Variants in CADM2 observed in about 807,000 individuals in gnomAD.
CADM2 encodes immunoglobulin superfamily member 4D.
CADM2 carries 12 observed loss-of-function variants against 49.8 expected under a neutral mutation model. The ratio of observed to expected loss-of-function variants is 0.24; its 90% CI spans 0.15 to 0.39. CADM2 has a LOEUF of 0.39. Ranked by LOEUF, CADM2 falls within the 10% of genes least tolerant of loss-of-function variation. CADM2 has a pLI of 1.00. For synonymous variants in CADM2, 214 were observed against 175.4 expected (o/e 1.22, Z -1.74); for missense variants, 378 against 492.3 (o/e 0.77, Z 2.20).
intron 1 of CADM2, among the ~76,000 whole-genome samples, chr3:85,033,570 C>T (rs958969101): frequency 3.9e-5 from 6 of 151,960 alleles, no homozygotes; most frequent in South Asian, 4.2e-4. Flanking sequence ...TTTCCTGATG[C>T]GGTTATATTG....
At chr3:85,699,103 C>G (rs2066663846) in intron 1 of CADM2, among the ~76,000 whole-genome samples, 1 of 152,026 alleles carries the variant, frequency 6.6e-6, no homozygotes, top group Non-Finnish European at 1.5e-5. Flanking sequence ...AGTGATTAAA[C>G]TTTAATCTCC....
intron 2 of CADM2, among the ~76,000 whole-genome samples, chr3:85,783,172 T>C (rs1051363044): frequency 2.6e-5 from 4 of 152,216 alleles, no homozygotes; most frequent in Non-Finnish European, 5.9e-5. Flanking sequence ...TTTTTGTTTT[T>C]ATCTTGAAAC....
chr3:85,371,513 G>A (rs1161020310), intron 1 of CADM2, among the ~76,000 whole-genome samples: 1 of 151,370 alleles, frequency 6.6e-6, no homozygotes, highest in Non-Finnish European at 1.5e-5. Flanking sequence ...TACCATCTAG[G>A]CTTAGGTAAG....
At chr3:85,097,427 C>A (rs925496202) in intron 1 of CADM2, among the ~76,000 whole-genome samples, 1 of 152,110 alleles carries the variant, frequency 6.6e-6, no homozygotes, top group African/African-American at 2.4e-5. Flanking sequence ...GGTTCCAAGT[C>A]TTTGCTATTG....
rs1158465953 is a variant in CADM2, at chr3:85,912,887, AGT to A, written c.700+347_700+348del. Among the ~76,000 whole-genome samples the A allele has an allele frequency of 2.0e-5, 3 of 152,290 alleles. No homozygotes were observed. In the East Asian group the frequency reaches 5.8e-4, roughly 29 times the overall value. On this transcript the variant is annotated intron_variant, in intron 6 of 9. Transcript: ENST00000383699. ...GTAATCTGAGAGGGCCTTGATGAAC[AGT>A]GTTATATTAAAATAACTTTATTTTA...
chr3:85,921,653 A>G (rs1182971426), intron 6 of CADM2, among the ~76,000 whole-genome samples: 1 of 152,092 alleles, frequency 6.6e-6, no homozygotes, highest in Non-Finnish European at 1.5e-5. Flanking sequence ...TAATATTGAT[A>G]GATTATTGTT....
At chr3:85,458,012 C>G (rs2038070179) in intron 1 of CADM2, among the ~76,000 whole-genome samples, 1 of 152,112 alleles carries the variant, frequency 6.6e-6, no homozygotes, top group Admixed American at 6.5e-5. Context: ...TTACCTAAAA[C>G]TCTTACACAT....
chr3:85,847,721 T>C (rs895085336), intron 3 of CADM2, among the ~76,000 whole-genome samples: 2 of 152,190 alleles, frequency 1.3e-5, no homozygotes, highest in African/African-American at 2.4e-5. Context: ...TATCATATTG[T>C]TGACATTAAA....
rs200438042 is a variant in CADM2 at position 84,982,753 on chromosome 3, A to AT, written c.61+23095dup. On this transcript the variant is annotated intron_variant, in intron 1 of 9. Transcript: ENST00000383699. ...TATATATACATTTTTTGTTTTTTTA[A>AT]TTTTTTTTTTGAGACTTAGTCTTGC... Among the ~76,000 whole-genome samples, 340 of 68,804 alleles carry AT rather than the reference A, an allele frequency of 4.9e-3. 2 individuals are homozygous for AT. Among genetic ancestry groups the AT allele is most frequent in the South Asian group, 0.018 (34 of 1,846 alleles). The allele number at this position is 68,804 out of a possible 152,430, so 45.1% of individuals were successfully genotyped here.
intron 1 of CADM2, among the ~76,000 whole-genome samples, chr3:85,127,243 G>T (rs896418905): frequency 3.3e-5 from 5 of 152,118 alleles, no homozygotes; most frequent in African/African-American, 1.2e-4. Context: ...TATGTATTAA[G>T]CTTCCTTTGA....
chr3:85,608,579 T>C (rs1198540185), intron 1 of CADM2, among the ~76,000 whole-genome samples: 1 of 152,132 alleles, frequency 6.6e-6, no homozygotes, highest in Non-Finnish European at 1.5e-5. Context: ...GTAAAATCGA[T>C]GGGATAAAGC....
intron 1 of CADM2, among the ~76,000 whole-genome samples, chr3:85,058,202 A>G (rs191797764): frequency 2.0e-5 from 3 of 152,326 alleles, no homozygotes; most frequent in African/African-American, 4.8e-5. Flanking sequence ...TCAGGTAATG[A>G]AACTAAAATT....
chr3:85,233,018 C>G (rs989732665), intron 1 of CADM2, among the ~76,000 whole-genome samples: 2 of 152,060 alleles, frequency 1.3e-5, no homozygotes, highest in African/African-American at 4.8e-5. Flanking sequence ...AATGTATAAG[C>G]AAATGAGGTA....
At chr3:85,483,098 G>A (rs6776839) in intron 1 of CADM2, among the ~76,000 whole-genome samples, 12 of 150,982 alleles carry the variant, frequency 7.9e-5, no homozygotes, top group Admixed American at 7.9e-4. Context: ...TATAGTATGG[G>A]TTTTTTGAGT....
intron 1 of CADM2, among the ~76,000 whole-genome samples, chr3:85,048,537 G>C (rs1030834049): frequency 6.6e-6 from 1 of 152,148 alleles, no homozygotes; most frequent in African/African-American, 2.4e-5. Context: ...GGAGAAGTCA[G>C]TTTGATTGTT....
chr3:85,408,666 G>A (rs1428555023), intron 1 of CADM2, among the ~76,000 whole-genome samples: 2 of 152,088 alleles, frequency 1.3e-5, no homozygotes, highest in South Asian at 2.1e-4. Context: ...CACTAAAGTC[G>A]GAGATGCTCT....
intron 1 of CADM2, among the ~76,000 whole-genome samples, chr3:85,065,949 T>C (rs2036513109): frequency 6.6e-6 from 1 of 151,990 alleles, no homozygotes; most frequent in African/African-American, 2.4e-5. Context: ...ATCTAGGGAG[T>C]TGGTAAATAT....
chr3:85,355,835 T>A (rs2031810933), intron 1 of CADM2, among the ~76,000 whole-genome samples: 1 of 151,650 alleles, frequency 6.6e-6, no homozygotes, highest in Non-Finnish European at 1.5e-5. Flanking sequence ...GGAAGAAGAG[T>A]GGGCTAGTGA....
intron 1 of CADM2, among the ~76,000 whole-genome samples, chr3:85,057,881 G>C (rs1425759970): frequency 6.6e-6 from 1 of 152,060 alleles, no homozygotes; most frequent in East Asian, 1.9e-4. Context: ...CTTAACATGT[G>C]GGGTTGTTTT....
Sources: allele counts gnomAD v4.1 joint callset (sites outside exome capture counted in the v4.1 genomes callset), GRCh38; gene constraint gnomAD v4.1.1; transcripts MANE v1.5; gene names NCBI Gene and HGNC (gene_info 2026-07-23, HGNC 2026-07-21).